The following TRIM3 variants were observed in gnomAD, a reference collection of about 807,000 sequenced individuals.
TRIM3 encodes the protein tripartite motif-containing protein 3.
In TRIM3, 13 loss-of-function variants were observed where a neutral mutation model predicts 66.6. The observed-to-expected ratio is 0.20, with a 90% CI of 0.13 to 0.31. The LOEUF (loss-of-function observed/expected upper bound fraction) is 0.31, where lower values mean the gene tolerates loss of function less well. TRIM3 is among the 10% of genes least tolerant of loss of function. The pLI is 1.00. For missense variants in TRIM3, 711 were observed against 1,020.4 expected (o/e 0.70, Z 4.13); for synonymous variants, 406 against 411.7 (o/e 0.99, Z 0.17).
chr11:6,456,732 G>C lies in TRIM3; in HGVS notation c.994C>G (p.Leu332Val). The change falls in exon 6 of 12, where the codon CTG (leucine) becomes GTG (valine). Residue 332 changes from leucine (L) to valine (V), a missense_variant. By Grantham distance (32) the Leu-to-Val change is conservative. Transcript: ENST00000345851. The surrounding 1 kb of genome is among the most constrained non-coding windows in gnomAD (Gnocchi z 6.4). ...AHETVATGEG[L>V]RQALVGQPAS... ...GGCTGGCCCACTAGCGCCTGGCGCA[G>C]GCCCTCTCCCGTGGCCACCGTTTCG... The C allele has an allele frequency of 6.2e-7, 1 of 1,610,248 alleles. No homozygotes were observed. Among genetic ancestry groups the C allele is most frequent in the Non-Finnish European group, 8.5e-7 (1 of 1,179,518 alleles).
chr11:6,461,310 T>C (rs941627955), intron 2 of TRIM3, among the ~76,000 whole-genome samples: 5 of 152,166 alleles, frequency 3.3e-5, no homozygotes, highest in Non-Finnish European at 7.3e-5. Flanking sequence ...GCTTGAGCCC[T>C]CCCTCTTCCC....
rs1287800650 is a variant in TRIM3, at chr11:6,457,100, T to C, written c.697-71A>G. 1.1e-5 allele frequency: 17 copies of C among 1,541,034 alleles called. No homozygotes were observed. Among genetic ancestry groups the C allele is most frequent in the Admixed American group, 7.0e-5 (4 of 56,762 alleles). On this transcript the variant is annotated intron_variant, in intron 5 of 11. Transcript: ENST00000345851. The surrounding 1 kb of genome is among the most constrained non-coding windows in gnomAD (Gnocchi z 4.5). The stretch of plus-strand genomic sequence containing the variant: ...GGAGTCTCTGTGATTACTGAAGTTG[T>C]AGCACTGTGGCATAAAATACAAGAG...
intron 1 of TRIM3, among the ~76,000 whole-genome samples, chr11:6,472,500 C>T (rs976122666): frequency 1.3e-5 from 2 of 151,494 alleles, no homozygotes; most frequent in Non-Finnish European, 2.9e-5. Flanking sequence ...TGAACGCTCT[C>T]TATTCTAACC....
chr11:6,472,334 C>T (rs909966193), intron 1 of TRIM3, among the ~76,000 whole-genome samples: 52 of 152,294 alleles, frequency 3.4e-4, no homozygotes, highest in African/African-American at 1.2e-3. Flanking sequence ...TGATTAAATC[C>T]CATCTTGTAC....
Position 6,449,482 on chromosome 11 carries a change from C to T in TRIM3, c.1942-36G>A. The T allele has an allele frequency of 6.3e-7, 1 of 1,596,454 alleles. No individual in the cohort carries two copies. Among genetic ancestry groups the T allele is most frequent in the African/African-American group, 1.3e-5 (1 of 74,740 alleles). ...AAGGGGCTAGGGACTGGGGACCTGG[C>T]CTCAGGCAGAGGGTAGGGCTTTGGA... On this transcript the variant is annotated intron_variant, in intron 10 of 11. Transcript: ENST00000345851. This position sits in a 1 kb window ranked among gnomAD's most constrained non-coding sequence, Gnocchi z 5.3.
intron 2 of TRIM3, 36 bp downstream of exon 2, chr11:6,465,529 G>A: frequency 6.2e-7 from 1 of 1,612,112 alleles, no homozygotes; most frequent in Non-Finnish European, 8.5e-7. Flanking sequence ...CTCCCCACAG[G>A]GTCCTCATCC....
intron 2 of TRIM3, among the ~76,000 whole-genome samples, chr11:6,461,483 G>C (rs4758106): frequency 0.59 from 75,673 of 129,246 alleles, 20,987 homozygotes; most frequent in Non-Finnish European, 0.62. Flanking sequence ...ATTACCCCCC[G>C]CACCACTCTG....
At position 6,457,794 on chromosome 11, in the gene TRIM3, G is replaced by A. The variant is rs149264225; in HGVS notation, c.417C>T (p.Arg139=). 3.9e-4 allele frequency: 623 copies of A among 1,614,058 alleles called. 1 individual carries two copies. The highest frequency in any genetic ancestry group is 4.7e-4 in the Non-Finnish European group (551 of 1,180,034). The change falls in exon 4 of 12, where the codon CGC becomes CGT. Residue 139 remains arginine, a synonymous_variant. Coordinates refer to ENST00000345851, the MANE Select transcript of TRIM3 (RefSeq NM_033278.4). The surrounding 1 kb of genome is among the most constrained non-coding windows in gnomAD (Gnocchi z 4.5). ...ACETAMCGEC[R]AGEHREHGTV... ...TGCCATGCTCACGATGCTCCCCGGC[G>A]CGGCACTCACCACACATGGCCGTCT...
At position 6,450,615 on chromosome 11, in the gene TRIM3, TG is replaced by T; in HGVS notation, c.1876del (p.His626IlefsTer5). The T allele has an allele frequency of 6.2e-7, 1 of 1,614,078 alleles. No individual in the cohort carries two copies. The highest frequency in any genetic ancestry group is 8.5e-7 in the Non-Finnish European group (1 of 1,179,998). On this transcript the variant is annotated frameshift_variant, in exon 10 of 12. Transcript: ENST00000345851. LOFTEE classifies it high-confidence loss of function. This position sits in a 1 kb window ranked among gnomAD's most constrained non-coding sequence, Gnocchi z 4.8. ...ATTCTTGTTGTTCACAGCCACAAAATGGGGCCCTGAAAATACAAAGTGGTCT... is the reference window on the plus strand; with the variant it reads ...ATTCTTGTTGTTCACAGCCACAAAATGGGCCCTGAAAATACAAAGTGGTCT... ...GATDRHFAGP[H>X]FVAVNNKNEI...
In TRIM3 at chr11:6,457,740, C is replaced by T. The variant is rs750413045; in HGVS notation, c.471G>A (p.Gln157=). 1 of 1,614,082 alleles carries T rather than the reference C, an allele frequency of 6.2e-7. No individual in the cohort carries two copies. The highest frequency in any genetic ancestry group is 8.5e-7 in the Non-Finnish European group (1 of 1,179,996). ...GCTGGCGCTGCAGGGCCGCCTTGTG[C>T]TGCTCCACCACATCCCTCAGCAGCA... ...GTVLLRDVVE[Q]HKAALQRQLE... is the part of the protein sequence containing the mutation. The change falls in exon 4 of 12, where the codon CAG becomes CAA. Residue 157 remains glutamine (Q), a synonymous_variant. Coordinates refer to ENST00000345851, the MANE Select transcript of TRIM3 (RefSeq NM_033278.4). The surrounding 1 kb of genome is among the most constrained non-coding windows in gnomAD (Gnocchi z 4.5).
At chr11:6,465,362 T>C (rs1360523447) in intron 2 of TRIM3, among the ~76,000 whole-genome samples, 2 of 152,202 alleles carry the variant, frequency 1.3e-5, no homozygotes, top group African/African-American at 2.4e-5. Context: ...CCCAGTGTTA[T>C]GGTTCTTATG....
In TRIM3 at chr11:6,456,725, T is replaced by C. The variant is rs1850006855; in HGVS notation, c.1001A>G (p.Gln334Arg). Residue 334 changes from glutamine (Q) to arginine (R), a missense_variant, in exon 6 of 12, where the codon CAG becomes CGG. This residue lies in a region of TRIM3 where 399 missense variants were observed against 458.1 expected (regional missense o/e 0.87). Coordinates refer to ENST00000345851, the MANE Select transcript of TRIM3 (RefSeq NM_033278.4). This position sits in a 1 kb window ranked among gnomAD's most constrained non-coding sequence, Gnocchi z 6.4. ...ETVATGEGLR[Q>R]ALVGQPASLT... is the part of the protein sequence containing the mutation. Reference sequence around the variant, plus strand: ...CGAGGCAGGCTGGCCCACTAGCGCCTGGCGCAGGCCCTCTCCCGTGGCCAC... The same window carrying C: ...CGAGGCAGGCTGGCCCACTAGCGCCCGGCGCAGGCCCTCTCCCGTGGCCAC... 1.2e-6 allele frequency: 2 copies of C among 1,608,936 alleles called. No individual in the cohort carries two copies. Among genetic ancestry groups the C allele is most frequent in the African/African-American group, 1.3e-5 (1 of 74,916 alleles).
intron 7 of TRIM3, among the ~76,000 whole-genome samples, chr11:6,454,220 A>G (rs1849867806): frequency 6.6e-6 from 1 of 152,066 alleles, no homozygotes; most frequent in Non-Finnish European, 1.5e-5. Context: ...CTTTACTAAA[A>G]ATAAAAATAA....
At chr11:6,453,309 T>C (rs1256873691) in intron 7 of TRIM3, 1 of 152,252 alleles carries the variant, frequency 6.6e-6, no homozygotes, top group African/African-American at 2.4e-5. Context: ...CAACACCATC[T>C]ACCCAGTCCA....
Position 6,450,180 on chromosome 11 carries a change from T to A in TRIM3, c.1941+371A>T, listed in dbSNP as rs189609373. 346 of 203,744 alleles carry A rather than the reference T, an allele frequency of 1.7e-3. No individual in the cohort carries two copies. The highest frequency in any genetic ancestry group is 3.1e-3 in the Admixed American group (57 of 18,376). 12.6% of individuals were successfully genotyped at this position (203,744 alleles called of 1,614,324 possible). A position where few individuals can be genotyped will look rare whatever the true frequency, so the allele number is the denominator to read the frequency against. ...TCGTCCTCCTCTGCCTTCCATTTAA[T>A]TCCCACTTGTGCTTGAGGTCCTCCT... On this transcript the variant is annotated intron_variant, in intron 10 of 11. Coordinates refer to ENST00000345851, the MANE Select transcript of TRIM3 (RefSeq NM_033278.4). The surrounding 1 kb of genome is among the most constrained non-coding windows in gnomAD (Gnocchi z 4.8).
At chr11:6,454,979 T>C (rs1421456701) in intron 7 of TRIM3, among the ~76,000 whole-genome samples, 4 of 152,140 alleles carry the variant, frequency 2.6e-5, no homozygotes, top group Non-Finnish European at 5.9e-5. Context: ...CAATCCCCTA[T>C]AGGATAAAAT....
rs1850092498 is a variant in TRIM3, at chr11:6,458,545, G to A, written c.132-249C>T. Among the ~76,000 whole-genome samples the A allele has an allele frequency of 6.6e-6, 1 of 152,190 alleles. No individual in the cohort carries two copies. Among genetic ancestry groups the A allele is most frequent in the Non-Finnish European group, 1.5e-5 (1 of 68,038 alleles). On this transcript the variant is annotated intron_variant, in intron 2 of 11. Transcript: ENST00000345851. The surrounding 1 kb of genome is among the most constrained non-coding windows in gnomAD (Gnocchi z 6.2). ...CCACATTCCTCACAGTGTGCACACAGGCTCACCTTTCACAGGTGTTTACAA... is the reference window on the plus strand; with the variant it reads ...CCACATTCCTCACAGTGTGCACACAAGCTCACCTTTCACAGGTGTTTACAA...
chr11:6,464,497 A>G (rs1367585547), intron 2 of TRIM3, among the ~76,000 whole-genome samples: 2 of 152,228 alleles, frequency 1.3e-5, no homozygotes, highest in East Asian at 3.8e-4. Context: ...AGCACTTACT[A>G]AAAGTTATAT....
chr11:6,457,184 G>A lies in TRIM3; in HGVS notation c.696+112C>T. 6.6e-7 allele frequency: 1 copy of A among 1,524,716 alleles called. No individual in the cohort carries two copies. The highest frequency in any genetic ancestry group is 8.9e-7 in the Non-Finnish European group (1 of 1,127,178). The allele number at this position is 1,524,716 out of a possible 1,614,324, so 94.4% of individuals were successfully genotyped here. A position where few individuals can be genotyped will look rare whatever the true frequency, so the allele number is the denominator to read the frequency against. On this transcript the variant is annotated intron_variant, in intron 5 of 11. Transcript: ENST00000345851. The surrounding 1 kb of genome is among the most constrained non-coding windows in gnomAD (Gnocchi z 4.5). ...GCACCTACCGAGGGCATGTCAGGAG[G>A]CAGAATATCTAGGCTGGGGAATGGG...
Sources: allele counts gnomAD v4.1 joint callset (sites outside exome capture counted in the v4.1 genomes callset), GRCh38; gene constraint gnomAD v4.1.1; regional missense constraint gnomAD v4.1.1; non-coding constraint Gnocchi (gnomAD v3.1); transcripts MANE v1.5; gene names NCBI Gene and HGNC (gene_info 2026-07-23, HGNC 2026-07-21).